EPHB1: variants seen among roughly 807,000 people sequenced by gnomAD.
EPHB1 encodes the protein EPH receptor B1.
EPHB1 carries 30 observed loss-of-function variants against 94.4 expected under a neutral mutation model. That is an observed-to-expected ratio of 0.32 (90% CI 0.24 to 0.43). The LOEUF (loss-of-function observed/expected upper bound fraction) is 0.43, where lower values mean the gene tolerates loss of function less well. Ranked by LOEUF, EPHB1 falls within the 20% of genes least tolerant of loss-of-function variation. The pLI is 1.00. For missense variants in EPHB1, 1,055 were observed against 1,308.3 expected, an observed-to-expected ratio of 0.81 and a Z score of 2.99; for synonymous variants, 522 against 489.1, an observed-to-expected ratio of 1.07 and a Z score of -0.89.
intron 1 of EPHB1, among the ~76,000 whole-genome samples, chr3:134,909,255 C>T (rs921325446): frequency 6.6e-6 from 1 of 152,138 alleles, no homozygotes; most frequent in African/African-American, 2.4e-5. Flanking sequence ...GGGGGCCTTT[C>T]AGGAACACAA....
chr3:135,125,536 AG>A (rs11310799), intron 4 of EPHB1, among the ~76,000 whole-genome samples: 37,149 of 151,836 alleles, frequency 0.24, 5,444 homozygotes, highest in African/African-American at 0.41. Context: ...GGAGAGGAAG[AG>A]AGCTGAACTT....
At chr3:135,047,424 G>A (rs925760524) in intron 3 of EPHB1, among the ~76,000 whole-genome samples, 14 of 152,110 alleles carry the variant, frequency 9.2e-5, no homozygotes, top group African/African-American at 2.4e-4. Context: ...ACCCATTCCC[G>A]TGACCCTGTT....
At chr3:134,958,101 T>C (rs1421547715) in intron 3 of EPHB1, among the ~76,000 whole-genome samples, 1 of 152,134 alleles carries the variant, frequency 6.6e-6, no homozygotes, top group East Asian at 1.9e-4. Context: ...GGGACTTTTT[T>C]CTTTAGTAAA....
intron 1 of EPHB1, among the ~76,000 whole-genome samples, chr3:134,829,250 T>A (rs566023107): frequency 5.9e-5 from 9 of 152,368 alleles, no homozygotes; most frequent in Admixed American, 3.3e-4. Context: ...GCAAGTGTGC[T>A]CTGCTCCAGG....
chr3:134,882,366 A>G (rs1356010915), intron 1 of EPHB1, among the ~76,000 whole-genome samples: 2 of 152,236 alleles, frequency 1.3e-5, no homozygotes, highest in African/African-American at 4.8e-5. Flanking sequence ...CAGAAAATAC[A>G]ACAAATGCTC....
At chr3:135,077,158 C>T (rs146325943) in intron 3 of EPHB1, among the ~76,000 whole-genome samples, 551 of 152,230 alleles carry the variant, frequency 3.6e-3, no homozygotes, top group Non-Finnish European at 6.0e-3. Context: ...ATGTATTTTG[C>T]CAAAGGAACC....
intron 9 of EPHB1, among the ~76,000 whole-genome samples, chr3:135,168,762 C>T (rs1204527817): frequency 6.6e-6 from 1 of 152,192 alleles, no homozygotes. Context: ...CATTTCAGAT[C>T]TGGCATCCTG....
chr3:134,839,625 G>A (rs2036740139), intron 1 of EPHB1, among the ~76,000 whole-genome samples: 1 of 152,032 alleles, frequency 6.6e-6, no homozygotes, highest in Admixed American at 6.5e-5. Flanking sequence ...ACTGAGTCAT[G>A]ACCTCCTGCC....
chr3:134,855,665 A>G (rs1431157171), intron 1 of EPHB1, among the ~76,000 whole-genome samples: 1 of 151,942 alleles, frequency 6.6e-6, no homozygotes, highest in African/African-American at 2.4e-5. Flanking sequence ...CTTCTGATAC[A>G]TTTTTTCAGT....
intron 5 of EPHB1, among the ~76,000 whole-genome samples, chr3:135,144,511 T>C (rs1445358113): frequency 1.3e-5 from 2 of 152,096 alleles, no homozygotes; most frequent in Non-Finnish European, 2.9e-5. Context: ...TTTGAGAACT[T>C]ACAGGGTCAG....
At chr3:134,982,122 C>T (rs888317500) in intron 3 of EPHB1, among the ~76,000 whole-genome samples, 4 of 152,156 alleles carry the variant, frequency 2.6e-5, no homozygotes, top group African/African-American at 7.2e-5. Flanking sequence ...GAGTCCAAGT[C>T]CTTACTCTTC....
chr3:134,906,026 C>T (rs944284413), intron 1 of EPHB1, among the ~76,000 whole-genome samples: 1 of 152,356 alleles, frequency 6.6e-6, no homozygotes, highest in Middle Eastern at 3.4e-3. Flanking sequence ...GCCCAGGGCC[C>T]ATGGCCCTTC....
chr3:135,223,630 G>A (rs556407424), intron 12 of EPHB1, among the ~76,000 whole-genome samples: 6 of 152,106 alleles, frequency 3.9e-5, no homozygotes, highest in South Asian at 2.1e-4. Flanking sequence ...TTTATTATCC[G>A]TATTTGAAGC....
At chr3:134,958,682 C>T (rs1271065484) in intron 3 of EPHB1, among the ~76,000 whole-genome samples, 4 of 152,168 alleles carry the variant, frequency 2.6e-5, no homozygotes, top group African/African-American at 9.7e-5. Context: ...ATTTAGAAAC[C>T]TCTCGGGCCT....
At chr3:135,218,087 A>T (rs1167112400) in intron 12 of EPHB1, among the ~76,000 whole-genome samples, 1 of 151,980 alleles carries the variant, frequency 6.6e-6, no homozygotes, top group African/African-American at 2.4e-5. Flanking sequence ...TCTTTCAATC[A>T]TTGAGCTTGG....
At chr3:134,853,994 T>G (rs563055809) in intron 1 of EPHB1, among the ~76,000 whole-genome samples, 1 of 152,118 alleles carries the variant, frequency 6.6e-6, no homozygotes, top group African/African-American at 2.4e-5. Context: ...AAAGTGAACA[T>G]TTTTGGTGTG....
chr3:135,002,703 A>C lies in EPHB1; in HGVS notation c.805+50651A>C, dbSNP rs571283048. Among the ~76,000 whole-genome samples the C allele has an allele frequency of 3.9e-5, 6 of 152,300 alleles. No individual in the cohort carries two copies. In the South Asian group the frequency reaches 1.2e-3, roughly 32 times the overall value. On this transcript the variant is annotated intron_variant, in intron 3 of 15. Transcript: ENST00000398015. ...TAGTCTTGGGAGAGTGTATGTGTGA[A>C]GGAATTTATCCATTTCTTCTAGATT...
rs542215509 is a variant in EPHB1, at chr3:135,197,527, T to C, written c.2131-3947T>C. Among the ~76,000 whole-genome samples, 16 of 152,330 alleles carry C rather than the reference T, an allele frequency of 1.1e-4. No homozygotes were observed. The East Asian group carries it at 2.9e-3, about 28-fold the overall frequency. On this transcript the variant is annotated intron_variant, in intron 11 of 15. Transcript: ENST00000398015. ...ATGAGCTTGAAAGGTCCCTTTCAGT[T>C]AGAAAAAATCTATGATTCATTTTGT...
rs762321236 is a variant in EPHB1, at chr3:135,201,453, GC to G, written c.2131-18del. 6.2e-7 allele frequency: 1 copy of G among 1,612,968 alleles called. No homozygotes were observed. The highest frequency in any genetic ancestry group is 1.7e-5 in the Admixed American group (1 of 59,980). ...CATTGAAGCCCGTCTTGATCCCAAT[GC>G]CCTCTATGTCTTATTACAGCAAAAT... On this transcript the variant is annotated intron_variant, in intron 11 of 15. Transcript: ENST00000398015.
Sources: allele counts gnomAD v4.1 joint callset (sites outside exome capture counted in the v4.1 genomes callset), GRCh38; gene constraint gnomAD v4.1.1; transcripts MANE v1.5; gene names NCBI Gene and HGNC (gene_info 2026-07-23, HGNC 2026-07-21).